The following PRKDC variants were observed in gnomAD, a reference collection of about 807,000 sequenced individuals.
PRKDC encodes protein kinase, DNA-activated, catalytic subunit.
In PRKDC, 82 loss-of-function variants were observed where a neutral mutation model predicts 486.9. The ratio of observed to expected loss-of-function variants is 0.17; its 90% CI spans 0.14 to 0.20. PRKDC has a LOEUF of 0.20. PRKDC is among the 10% of genes least tolerant of loss of function. The pLI is 1.00. For synonymous variants in PRKDC, 1,895 were observed against 1,837.0 expected (o/e 1.03, Z -0.81); for missense variants, 4,504 against 5,038.2 (o/e 0.89, Z 3.21).
intron 74 of PRKDC, among the ~76,000 whole-genome samples, chr8:47,793,668 T>A (rs1223730150): frequency 6.2e-5 from 8 of 128,560 alleles, no homozygotes; most frequent in Admixed American, 1.6e-4. Flanking sequence ...TAAAAATAAA[T>A]TAATTTAAAA....
rs556251316 is a variant in PRKDC at position 47,910,083 on chromosome 8, T to TCCCGGGTGTA, written c.2934+2317_2934+2326dup. ...TTGCGGCTCGGGGTTGTCATCACGG[T>TCCCGGGTGTA]CCCGGGTGTAACATTTCTCTCTTTG... On this transcript the variant is annotated intron_variant, in intron 25 of 85. Transcript: ENST00000314191. 7.9e-5 allele frequency among the ~76,000 whole-genome samples: 12 copies of TCCCGGGTGTA among 152,270 alleles called. 1 individual carries two copies. The South Asian group carries it at 2.5e-3, about 32-fold the overall frequency.
intron 42 of PRKDC, among the ~76,000 whole-genome samples, chr8:47,862,885 G>A (rs1431248264): frequency 6.6e-6 from 1 of 152,196 alleles, no homozygotes; most frequent in Admixed American, 6.5e-5. Context: ...CCAAGTAAGA[G>A]GAGGGTAATA....
intron 68 of PRKDC, among the ~76,000 whole-genome samples, chr8:47,810,271 A>G (rs1411862459): frequency 6.6e-6 from 1 of 152,216 alleles, no homozygotes. Context: ...ATATAGTGCA[A>G]TAAGATATTT....
At position 47,774,020 on chromosome 8, in the gene PRKDC, T is replaced by C; in HGVS notation, c.*153A>G. On this transcript the variant is annotated 3_prime_UTR_variant, in exon 86 of 86. Transcript: ENST00000314191. The stretch of plus-strand genomic sequence containing the variant: ...TTAACCCATACACATTTACTCATCA[T>C]AATCTTGATTTAAACTCATGCTACG... 1 of 732,200 alleles carries C rather than the reference T, an allele frequency of 1.4e-6. No individual in the cohort carries two copies. The highest frequency in any genetic ancestry group is 2.2e-6 in the Non-Finnish European group (1 of 461,434). 45.4% of individuals were successfully genotyped at this position (732,200 alleles called of 1,614,324 possible).
chr8:47,859,500 G>T, intron 46 of PRKDC, 111 bp downstream of exon 46: 2 of 1,243,782 alleles, frequency 1.6e-6, no homozygotes, highest in Non-Finnish European at 2.3e-6. Context: ...ATACTCCGAG[G>T]GTTGTCAATG....
rs530992155 is a variant in PRKDC, at chr8:47,919,538, T to G, written c.2420-1155A>C. On this transcript the variant is annotated intron_variant, in intron 21 of 85. Transcript: ENST00000314191. The stretch of plus-strand genomic sequence containing the variant: ...CATTCACTGACACAGCCAGGTGAGC[T>G]GCGCCGCGGGAGGGCACCTGCCGGT... Among the ~76,000 whole-genome samples the G allele has an allele frequency of 2.9e-4, 44 of 152,336 alleles. No individual in the cohort carries two copies. In the South Asian group the frequency reaches 8.9e-3, roughly 31 times the overall value.
intron 40 of PRKDC, among the ~76,000 whole-genome samples, chr8:47,876,554 G>A (rs995289441): frequency 2.6e-5 from 4 of 151,840 alleles, no homozygotes; most frequent in Admixed American, 6.6e-5. Context: ...CCAGCTACTC[G>A]GGAGGCTGAC....
Position 47,955,859 on chromosome 8 carries a change from TAGAA to T in PRKDC, c.399+11_399+14del. ...ATGTTTAATGTAAAATACGTGTACT[TAGAA>T]ACATAATTACCTTAATAAGAAGGTC... On this transcript the variant is annotated intron_variant, in intron 4 of 85. Coordinates refer to ENST00000314191, the MANE Select transcript of PRKDC (RefSeq NM_006904.7). The T allele has an allele frequency of 1.3e-6, 2 of 1,549,956 alleles. No homozygotes were observed. The highest frequency in any genetic ancestry group is 8.8e-7 in the Non-Finnish European group (1 of 1,135,534).
Position 47,936,498 on chromosome 8 carries a change from G to A in PRKDC, c.1133C>T (p.Ala378Val), listed in dbSNP as rs760093098. The change falls in exon 12 of 86, where the codon GCA (alanine) becomes GTA (valine). Residue 378 changes from alanine to valine, a missense_variant. Physicochemically the swap from Ala to Val is moderately conservative, Grantham distance 64. This residue lies in a region of PRKDC where 1,969 missense variants were observed against 2,068.9 expected (regional missense o/e 0.95). Transcript: ENST00000314191. ...LFAGPCKVIN[A>V]KDVDFMYVEL... ...AACGTACATGAAGTCAACATCTTTT[G>A]CGTTTATAACCTTGCACGGCTTTAG... The A allele has an allele frequency of 3.7e-6, 6 of 1,613,954 alleles. No individual in the cohort carries two copies. The highest frequency in any genetic ancestry group is 5.1e-6 in the Non-Finnish European group (6 of 1,179,882).
At chr8:47,864,270 C>A (rs1346049149) in intron 41 of PRKDC, among the ~76,000 whole-genome samples, 4 of 152,188 alleles carry the variant, frequency 2.6e-5, no homozygotes, top group Admixed American at 1.3e-4. Context: ...AGGAACAGCT[C>A]TTCCCTGAGT....
At chr8:47,802,853 CTG>C (rs2087137882) in intron 70 of PRKDC, among the ~76,000 whole-genome samples, 1 of 152,048 alleles carries the variant, frequency 6.6e-6, no homozygotes, top group African/African-American at 2.4e-5. Flanking sequence ...CGGGGTTTCA[CTG>C]TGTTAGCCAG....
At chr8:47,934,876 CAA>C in intron 14 of PRKDC, 131 bp downstream of exon 14, 1 of 616,846 alleles carries the variant, frequency 1.6e-6, no homozygotes, top group East Asian at 2.9e-5. Flanking sequence ...CTACACTTTT[CAA>C]AATGTAAGGC....
At chr8:47,898,353 C>T (rs1018225882) in intron 29 of PRKDC, 117 bp downstream of exon 29, 3 of 814,280 alleles carry the variant, frequency 3.7e-6, no homozygotes, top group Non-Finnish European at 5.8e-6. Flanking sequence ...TCCACACATT[C>T]CTTGTTTAGG....
intron 27 of PRKDC, 61 bp downstream of exon 27, chr8:47,902,508 G>A: frequency 1.7e-6 from 2 of 1,210,620 alleles, no homozygotes; most frequent in Non-Finnish European, 2.2e-6. Flanking sequence ...TACACAGAGT[G>A]AAACTCCAAG....
chr8:47,878,190 C>A (rs903444998), intron 39 of PRKDC, among the ~76,000 whole-genome samples: 14 of 150,810 alleles, frequency 9.3e-5, no homozygotes, highest in Admixed American at 3.3e-4. Context: ...CTGCAAACTC[C>A]GCCTCCCAGG....
chr8:47,900,423 A>T lies in PRKDC; in HGVS notation c.3314T>A (p.Val1105Glu). 6.2e-7 allele frequency: 1 copy of T among 1,612,032 alleles called. No homozygotes were observed. The highest frequency in any genetic ancestry group is 8.5e-7 in the Non-Finnish European group (1 of 1,179,162). ...LVEQFVFEAL[V>E]IYMESLALAH... ...TAAGGCCAGACTCTCCATGTATATC[A>T]CCAAGGCTTCAAACACAAACTGTTC... Residue 1105 changes from valine to glutamate, a missense_variant, in exon 28 of 86, where the codon GTG (valine) becomes GAG (glutamate). This residue lies in a region of PRKDC where 1,969 missense variants were observed against 2,068.9 expected (regional missense o/e 0.95). Coordinates refer to ENST00000314191, the MANE Select transcript of PRKDC (RefSeq NM_006904.7).
At chr8:47,895,141 C>T (rs2089549866) in intron 30 of PRKDC, among the ~76,000 whole-genome samples, 1 of 152,042 alleles carries the variant, frequency 6.6e-6, no homozygotes, top group Non-Finnish European at 1.5e-5. Context: ...GCAAGAGGAT[C>T]ACATGAGCCT....
intron 68 of PRKDC, among the ~76,000 whole-genome samples, chr8:47,809,934 T>C (rs2087295309): frequency 2.0e-5 from 3 of 152,126 alleles, no homozygotes; most frequent in Admixed American, 2.0e-4. Context: ...GCCTGCTGCA[T>C]TCTACCCAGG....
At position 47,773,951 on chromosome 8, in the gene PRKDC, A is replaced by G; in HGVS notation, c.*222T>C. 2.1e-6 allele frequency: 1 copy of G among 474,770 alleles called. No individual in the cohort carries two copies. 29.4% of individuals were successfully genotyped at this position (474,770 alleles called of 1,614,324 possible). A position where few individuals can be genotyped will look rare whatever the true frequency, so the allele number is the denominator to read the frequency against. ...TAAGCCTGGATATCTATCTTTCTATAAACCTCACCTAATCTTTGATGTTAC... is the reference window on the plus strand; with the variant it reads ...TAAGCCTGGATATCTATCTTTCTATGAACCTCACCTAATCTTTGATGTTAC... On this transcript the variant is annotated 3_prime_UTR_variant, in exon 86 of 86. Coordinates refer to ENST00000314191, the MANE Select transcript of PRKDC (RefSeq NM_006904.7).
Sources: gnomAD v4.1 joint callset for allele counts (sites outside exome capture counted in the v4.1 genomes callset) on GRCh38, gnomAD v4.1.1 for gene constraint, gnomAD v4.1.1 regional missense constraint, MANE v1.5 for transcripts, NCBI Gene and HGNC (gene_info 2026-07-23, HGNC 2026-07-21) for gene names.